SEPTIN9: variants seen among roughly 807,000 people sequenced by gnomAD.
SEPTIN9 encodes the protein septin 9.
SEPTIN9 carries 13 observed loss-of-function variants against 56.6 expected under a neutral mutation model. The ratio of observed to expected loss-of-function variants is 0.23; its 90% CI spans 0.15 to 0.37. The LOEUF (loss-of-function observed/expected upper bound fraction) is 0.37, where lower values mean the gene tolerates loss of function less well. Ranked by LOEUF, SEPTIN9 falls within the 10% of genes least tolerant of loss-of-function variation. SEPTIN9 has a pLI of 1.00. For synonymous variants in SEPTIN9, 332 were observed against 334.1 expected, an observed-to-expected ratio of 0.99 and a Z score of 0.07; for missense variants, 650 against 823.1, an observed-to-expected ratio of 0.79 and a Z score of 2.57.
intron 2 of SEPTIN9, among the ~76,000 whole-genome samples, chr17:77,366,406 A>T (rs2034572161): frequency 6.6e-6 from 1 of 152,176 alleles, no homozygotes; most frequent in Non-Finnish European, 1.5e-5. Context: ...TCAGGAAGAA[A>T]ACATGAGCTA....
intron 3 of SEPTIN9, among the ~76,000 whole-genome samples, chr17:77,459,721 T>C (rs978262668): frequency 4.6e-5 from 7 of 151,928 alleles, no homozygotes; most frequent in Admixed American, 4.6e-4. Context: ...CTCTTTTTTT[T>C]TTTGAAATGG....
At chr17:77,373,714 C>T in intron 2 of SEPTIN9, 1 of 1,317,220 alleles carries the variant, frequency 7.6e-7, no homozygotes, top group Non-Finnish European at 9.8e-7. Flanking sequence ...CGCGCGCCCC[C>T]GGCCCCGTGC....
intron 2 of SEPTIN9, among the ~76,000 whole-genome samples, chr17:77,350,610 A>AGAGT (rs141783843): frequency 1.3e-5 from 2 of 149,396 alleles, no homozygotes; most frequent in African/African-American, 4.9e-5. Context: ...CCTCCAGTGC[A>AGAGT]GTGTGTGTGT....
chr17:77,360,301 A>G (rs1417362330), intron 2 of SEPTIN9, among the ~76,000 whole-genome samples: 2 of 152,026 alleles, frequency 1.3e-5, no homozygotes, highest in Non-Finnish European at 2.9e-5. Flanking sequence ...GTTGAACCCT[A>G]TTTGCCACAG....
In SEPTIN9 at chr17:77,464,884, C is replaced by T. The variant is rs541663603; in HGVS notation, c.722-17260C>T. ...CTGGGATTACAGGCATGAGCCACTG[C>T]GCCCGGCTGACACAGGAAATTAACC... On this transcript the variant is annotated intron_variant, in intron 3 of 11. Coordinates refer to ENST00000427177, the MANE Select transcript of SEPTIN9 (RefSeq NM_001113491.2). 3.3e-4 allele frequency among the ~76,000 whole-genome samples: 51 copies of T among 152,254 alleles called. No individual in the cohort carries two copies. In the East Asian group the frequency reaches 8.1e-3, roughly 24 times the overall value.
chr17:77,314,971 G>T (rs1383884084), intron 2 of SEPTIN9, among the ~76,000 whole-genome samples: 1 of 152,206 alleles, frequency 6.6e-6, no homozygotes, highest in Non-Finnish European at 1.5e-5. Flanking sequence ...CTCCTACTGG[G>T]CCCCTGTGGA....
intron 7 of SEPTIN9, among the ~76,000 whole-genome samples, chr17:77,490,459 G>A (rs1311659166): frequency 6.6e-6 from 1 of 152,238 alleles, no homozygotes; most frequent in Non-Finnish European, 1.5e-5. Context: ...GGACATGTAG[G>A]GGTGTGGTTG....
chr17:77,383,182 TTCTCTCCC>T (rs113531169), intron 2 of SEPTIN9, among the ~76,000 whole-genome samples: 2 of 10,918 alleles, frequency 1.8e-4, no homozygotes, highest in South Asian at 1.8e-3. Context: ...CCCTCCCTCC[TTCTCTCCC>T]TCCCTCCCTC....
At position 77,435,429 on chromosome 17, in the gene SEPTIN9, T is replaced by A. The variant is rs919366207; in HGVS notation, c.721+32726T>A. Among the ~76,000 whole-genome samples the A allele has an allele frequency of 6.6e-6, 1 of 152,174 alleles. No individual in the cohort carries two copies. Among genetic ancestry groups the A allele is most frequent in the Non-Finnish European group, 1.5e-5 (1 of 68,030 alleles). On this transcript the variant is annotated intron_variant, in intron 3 of 11. Transcript: ENST00000427177. The surrounding 1 kb of genome is among the most constrained non-coding windows in gnomAD (Gnocchi z 4.5). ...CGCCCCCCATGGTGGCTCTGTTTCC[T>A]CCTCTCCTCTGAACCTGCCAGCCTG...
intron 10 of SEPTIN9, among the ~76,000 whole-genome samples, chr17:77,493,396 G>T (rs554895556): frequency 6.6e-6 from 1 of 152,134 alleles, no homozygotes; most frequent in Non-Finnish European, 1.5e-5. Context: ...TGGACAAATC[G>T]CCCAACCTCT....
At chr17:77,398,584 A>G (rs367772112) in intron 2 of SEPTIN9, among the ~76,000 whole-genome samples, 2 of 152,144 alleles carry the variant, frequency 1.3e-5, no homozygotes, top group African/African-American at 4.8e-5. Flanking sequence ...CACCTTCTTG[A>G]CATTCCAGCC....
At chr17:77,482,892 C>A in intron 4 of SEPTIN9, 1 of 295,156 alleles carries the variant, frequency 3.4e-6, no homozygotes, top group Non-Finnish European at 6.3e-6. Flanking sequence ...CTACAGTGGG[C>A]CGCCTGTTGT....
Position 77,445,558 on chromosome 17 carries a change from TAGGG to T in SEPTIN9, c.722-36582_722-36579del, listed in dbSNP as rs1251553874. 5 of 381,660 alleles carry T rather than the reference TAGGG, an allele frequency of 1.3e-5. No individual in the cohort carries two copies. Among genetic ancestry groups the T allele is most frequent in the African/African-American group, 6.4e-5 (3 of 47,126 alleles). 23.6% of individuals were successfully genotyped at this position (381,660 alleles called of 1,614,324 possible). A position where few individuals can be genotyped will look rare whatever the true frequency, so the allele number is the denominator to read the frequency against. On this transcript the variant is annotated intron_variant, in intron 3 of 11. Transcript: ENST00000427177. The surrounding 1 kb of genome is among the most constrained non-coding windows in gnomAD (Gnocchi z 4.7). ...TGTGTGTGCGTGCGTGCTGGGTGGGTAGGGAGGAAGCTGTGAAACCACATCCCCT... is the reference window on the plus strand; with the variant it reads ...TGTGTGTGCGTGCGTGCTGGGTGGGTAGGAAGCTGTGAAACCACATCCCCT...
At chr17:77,493,135 C>A in intron 10 of SEPTIN9, 59 bp downstream of exon 10, 7 of 1,337,362 alleles carry the variant, frequency 5.2e-6, no homozygotes, top group South Asian at 1.3e-5. Context: ...TTCTGCTGAC[C>A]CAGAGCCTGT....
chr17:77,343,812 G>A (rs2033809231), intron 2 of SEPTIN9, among the ~76,000 whole-genome samples: 1 of 152,204 alleles, frequency 6.6e-6, no homozygotes. Context: ...CACATCTGGT[G>A]TCAGAGCTGA....
At chr17:77,423,439 C>A (rs1468750938) in intron 3 of SEPTIN9, among the ~76,000 whole-genome samples, 3 of 152,258 alleles carry the variant, frequency 2.0e-5, no homozygotes, top group Non-Finnish European at 4.4e-5. Flanking sequence ...TCTCTCACCC[C>A]CACCCAGATG....
chr17:77,416,482 G>A (rs2036512973), intron 3 of SEPTIN9, among the ~76,000 whole-genome samples: 1 of 152,220 alleles, frequency 6.6e-6, no homozygotes, highest in South Asian at 2.1e-4. Context: ...TGAAGCAGCA[G>A]TGAAGCCAGG....
rs549285335 is a variant in SEPTIN9 at position 77,434,357 on chromosome 17, G to A, written c.721+31654G>A. Among the ~76,000 whole-genome samples the A allele has an allele frequency of 1.3e-5, 2 of 152,296 alleles. No individual in the cohort carries two copies. Among genetic ancestry groups the A allele is most frequent in the East Asian group, 1.9e-4 (1 of 5,180 alleles). Reference sequence around the variant, plus strand: ...TGAGAGTTGGTAGGGTGGCCTGCCCGGCGTCCGCACAGGGTCTGCTGGTGG... The same window carrying A: ...TGAGAGTTGGTAGGGTGGCCTGCCCAGCGTCCGCACAGGGTCTGCTGGTGG... On this transcript the variant is annotated intron_variant, in intron 3 of 11. Coordinates refer to ENST00000427177, the MANE Select transcript of SEPTIN9 (RefSeq NM_001113491.2). This position sits in a 1 kb window ranked among gnomAD's most constrained non-coding sequence, Gnocchi z 5.0.
intron 2 of SEPTIN9, among the ~76,000 whole-genome samples, chr17:77,342,298 T>A (rs2033758732): frequency 6.6e-6 from 1 of 152,186 alleles, no homozygotes; most frequent in African/African-American, 2.4e-5. Flanking sequence ...TGAAGCACAA[T>A]GAAATGAGGT....
Sources: gnomAD v4.1 joint callset for allele counts (sites outside exome capture counted in the v4.1 genomes callset) on GRCh38, gnomAD v4.1.1 for gene constraint, Gnocchi (gnomAD v3.1) non-coding constraint, MANE v1.5 for transcripts, NCBI Gene and HGNC (gene_info 2026-07-23, HGNC 2026-07-21) for gene names.